The following RPH3AL variants were observed in gnomAD, a reference collection of about 807,000 sequenced individuals.
RPH3AL encodes the protein rabphilin 3A like (without C2 domains).
A neutral mutation model predicts 43.1 loss-of-function variants in RPH3AL; 38 were observed. The ratio of observed to expected loss-of-function variants is 0.88; its 90% confidence interval spans 0.68 to 1.15. RPH3AL has a LOEUF of 1.15. Among genes scored for constraint, RPH3AL ranks in the 50% most tolerant of loss-of-function variants. The pLI is 0.00. For synonymous variants in RPH3AL, 189 were observed against 176.3 expected (o/e 1.07, Z -0.57); for missense variants, 462 against 423.2 (o/e 1.09, Z -0.81).
At chr17:273,246 G>A (rs75878766) in intron 6 of RPH3AL, among the ~76,000 whole-genome samples, 1 of 99,842 alleles carries the variant, frequency 1.0e-5, no homozygotes, top group African/African-American at 3.2e-5. Context: ...CGACGTCAGG[G>A]AGAGACCCCA....
intron 6 of RPH3AL, among the ~76,000 whole-genome samples, chr17:247,903 C>T (rs180934436): frequency 6.6e-6 from 1 of 152,278 alleles, no homozygotes; most frequent in African/African-American, 2.4e-5. Flanking sequence ...CAGTGACTGG[C>T]ACTTCCTTCC....
At chr17:317,104 A>T (rs1243855287) in intron 5 of RPH3AL, among the ~76,000 whole-genome samples, 5 of 137,438 alleles carry the variant, frequency 3.6e-5, no homozygotes, top group Non-Finnish European at 6.1e-5. Flanking sequence ...AGTGACCTGT[A>T]GTCCCTGTGA....
At position 245,362 on chromosome 17, in the gene RPH3AL, AGT is replaced by A. The variant is rs753717236; in HGVS notation, c.613+1747_613+1748del. Among the ~76,000 whole-genome samples the A allele has an allele frequency of 2.0e-4, 24 of 118,814 alleles. No individual in the cohort carries two copies. The highest frequency in any genetic ancestry group is 5.4e-3 in the Middle Eastern group (1 of 184). The allele number at this position is 118,814 out of a possible 152,430, so 77.9% of individuals were successfully genotyped here. On this transcript the variant is annotated intron_variant, in intron 7 of 9. Transcript: ENST00000331302. The surrounding 1 kb of genome is among the most constrained non-coding windows in gnomAD (Gnocchi z 5.9). ...GGATGTGAGTGTGTATGTGGATGTCAGTGTGTGTGTGTGGATGTCAGTGTGTG... is the reference window on the plus strand; with the variant it reads ...GGATGTGAGTGTGTATGTGGATGTCAGTGTGTGTGTGGATGTCAGTGTGTG...
chr17:279,768 T>C (rs1180513835), intron 6 of RPH3AL, among the ~76,000 whole-genome samples: 1 of 152,162 alleles, frequency 6.6e-6, no homozygotes, highest in Non-Finnish European at 1.5e-5. Flanking sequence ...CATGGACATG[T>C]GCATTGTCAA....
chr17:300,895 C>G (rs968464969), intron 5 of RPH3AL, among the ~76,000 whole-genome samples: 1 of 151,614 alleles, frequency 6.6e-6, no homozygotes, highest in Non-Finnish European at 1.5e-5. Flanking sequence ...CCAGCCTAGA[C>G]CTGCAGAAGC....
At chr17:220,261 T>C (rs147393128) in intron 7 of RPH3AL, among the ~76,000 whole-genome samples, 8,651 of 106,508 alleles carry the variant, frequency 0.081, 108 homozygotes, top group Middle Eastern at 0.14. Context: ...ACTGAGACAA[T>C]AGACCCAAGA....
chr17:349,844 C>A (rs2045319103), intron 1 of RPH3AL, among the ~76,000 whole-genome samples: 1 of 152,270 alleles, frequency 6.6e-6, no homozygotes, highest in Admixed American at 6.5e-5. Context: ...TTCTGTAACA[C>A]CTTATCTATA....
intron 5 of RPH3AL, among the ~76,000 whole-genome samples, chr17:299,176 G>A (rs1395402895): frequency 2.0e-5 from 3 of 152,126 alleles, no homozygotes; most frequent in African/African-American, 7.2e-5. Flanking sequence ...ACCCAGTGGG[G>A]GCCCTGCAAT....
chr17:215,666 G>T lies in RPH3AL; in HGVS notation c.864C>A (p.Thr288=). The part of the protein sequence containing the change: ...DPPGGPRPGL[T]RRAPVKDTPG... ...GTTGGGTACTCACCGGGGCCCTTCGGGTCAGCCCGGGGCGGGGTCCCCCTG... is the reference window on the plus strand; with the variant it reads ...GTTGGGTACTCACCGGGGCCCTTCGTGTCAGCCCGGGGCGGGGTCCCCCTG... The change falls in exon 9 of 10, where the codon ACC becomes ACA. Residue 288 remains threonine (T), a synonymous_variant. Transcript: ENST00000331302. This position sits in a 1 kb window ranked among gnomAD's most constrained non-coding sequence, Gnocchi z 4.1. The T allele has an allele frequency of 7.8e-7, 1 of 1,277,760 alleles. No homozygotes were observed. Among genetic ancestry groups the T allele is most frequent in the Non-Finnish European group, 9.9e-7 (1 of 1,007,210 alleles). 79.2% of individuals were successfully genotyped at this position (1,277,760 alleles called of 1,614,324 possible).
intron 5 of RPH3AL, among the ~76,000 whole-genome samples, chr17:314,187 G>C (rs1176123530): frequency 1.3e-5 from 2 of 152,178 alleles, no homozygotes; most frequent in African/African-American, 2.4e-5. Context: ...GACTGTCCCA[G>C]GGGAAGTGGG....
chr17:310,847 G>A (rs972031625), intron 5 of RPH3AL, among the ~76,000 whole-genome samples: 11 of 152,130 alleles, frequency 7.2e-5, no homozygotes, highest in Non-Finnish European at 1.0e-4. Flanking sequence ...CAAGGGCTTC[G>A]CAGGGGCTAT....
At chr17:238,741 C>G (rs754088680) in intron 7 of RPH3AL, among the ~76,000 whole-genome samples, 4 of 152,160 alleles carry the variant, frequency 2.6e-5, no homozygotes, top group Non-Finnish European at 5.9e-5. Flanking sequence ...TCACCTCCCA[C>G]CCCCAGCAGC....
intron 6 of RPH3AL, among the ~76,000 whole-genome samples, chr17:250,749 A>G (rs1191832159): frequency 1.4e-5 from 2 of 147,662 alleles, no homozygotes; most frequent in Non-Finnish European, 3.0e-5. Context: ...GACCTCTCAG[A>G]GCCTTTACCA....
intron 5 of RPH3AL, among the ~76,000 whole-genome samples, chr17:303,344 T>A (rs1231081419): frequency 6.6e-6 from 1 of 151,452 alleles, no homozygotes; most frequent in Non-Finnish European, 1.5e-5. Context: ...TGAGCTAAGA[T>A]CACACCGCTG....
At position 283,140 on chromosome 17, in the gene RPH3AL, T is replaced by G. The variant is rs1209950530; in HGVS notation, c.352-1286A>C. Among the ~76,000 whole-genome samples the G allele has an allele frequency of 6.7e-6, 1 of 148,350 alleles. No individual in the cohort carries two copies. On this transcript the variant is annotated intron_variant, in intron 5 of 9. Transcript: ENST00000331302. This position sits in a 1 kb window ranked among gnomAD's most constrained non-coding sequence, Gnocchi z 4.2. ...TTTCTGCCACACGGAAGCCACCCGG[T>G]CCCTGCGTGGGTGGGGGCTCTCTGC...
At chr17:293,762 C>G (rs1815418270) in intron 5 of RPH3AL, among the ~76,000 whole-genome samples, 1 of 151,930 alleles carries the variant, frequency 6.6e-6, no homozygotes, top group South Asian at 2.1e-4. Flanking sequence ...GGCGCGGTGG[C>G]TCACGCCTGT....
chr17:290,910 T>C lies in RPH3AL; in HGVS notation c.352-9056A>G, dbSNP rs12950277. On this transcript the variant is annotated intron_variant, in intron 5 of 9. Transcript: ENST00000331302. This position sits in a 1 kb window ranked among gnomAD's most constrained non-coding sequence, Gnocchi z 4.2. ...TCCATGGCACAGAGAGGGCTGTTCATGAGCCTCACTCGACCGAAAAGGGTG... is the reference window on the plus strand; with the variant it reads ...TCCATGGCACAGAGAGGGCTGTTCACGAGCCTCACTCGACCGAAAAGGGTG... Among the ~76,000 whole-genome samples, 133,193 of 151,956 alleles carry C rather than the reference T, an allele frequency of 0.88. 59,837 individuals are homozygous for C. Among genetic ancestry groups the C allele is most frequent in the Non-Finnish European group, 0.98 (66,938 of 67,972 alleles).
At chr17:285,447 G>C (rs986418593) in intron 5 of RPH3AL, among the ~76,000 whole-genome samples, 1 of 152,142 alleles carries the variant, frequency 6.6e-6, no homozygotes, top group Non-Finnish European at 1.5e-5. Flanking sequence ...CAACCAGCAC[G>C]TAATAGCGAC....
intron 6 of RPH3AL, among the ~76,000 whole-genome samples, chr17:262,369 C>A (rs1195202038): frequency 6.6e-6 from 1 of 152,162 alleles, no homozygotes; most frequent in Non-Finnish European, 1.5e-5. Flanking sequence ...GCACCCGCCA[C>A]CAGGCCCGGC....
Sources: gnomAD v4.1 joint callset for allele counts (sites outside exome capture counted in the v4.1 genomes callset) on GRCh38, gnomAD v4.1.1 for gene constraint, Gnocchi (gnomAD v3.1) non-coding constraint, MANE v1.5 for transcripts, NCBI Gene and HGNC (gene_info 2026-07-23, HGNC 2026-07-21) for gene names.